RBFOX1: variants seen among roughly 807,000 people sequenced by gnomAD.
The protein encoded by RBFOX1 is RNA binding protein fox-1 homolog 1.
RBFOX1 carries 8 observed loss-of-function variants against 57.7 expected under a neutral mutation model. The ratio of observed to expected loss-of-function variants is 0.14; its 90% confidence interval spans 0.08 to 0.25. The LOEUF is 0.25. Ranked by LOEUF, RBFOX1 falls within the 10% of genes least tolerant of loss-of-function variation. The pLI is 1.00. For missense variants in RBFOX1, 611 were observed against 548.5 expected (o/e 1.11, Z -1.14); for synonymous variants, 326 against 222.4 (o/e 1.47, Z -4.15).
chr16:7,696,756 G>A (rs915733757), intron 14 of RBFOX1, among the ~76,000 whole-genome samples: 6 of 152,178 alleles, frequency 3.9e-5, no homozygotes, highest in African/African-American at 1.4e-4. Context: ...AAGCAGGGGA[G>A]GGGATGGAAA....
In RBFOX1 at chr16:5,502,261, G is replaced by A. The variant is rs144369721; in HGVS notation, c.258+35007G>A. ...GGAAATCTTTAGGAAGAACGGCAGG[G>A]ATGCCTTTCACCCCATGAAATGGAG... is the stretch of plus-strand genomic sequence containing the variant. On this transcript the variant is annotated intron_variant, in intron 2 of 2. Transcript: ENST00000585867. Among the ~76,000 whole-genome samples the A allele has an allele frequency of 8.9e-3, 1,359 of 152,256 alleles. 17 individuals carry two copies. The highest frequency in any genetic ancestry group is 0.048 in the Middle Eastern group (14 of 294).
At chr16:6,960,097 A>T (rs2082646994) in intron 3 of RBFOX1, among the ~76,000 whole-genome samples, 1 of 152,118 alleles carries the variant, frequency 6.6e-6, no homozygotes, top group African/African-American at 2.4e-5. Flanking sequence ...AGGATTAAAC[A>T]AGTGTATTGG....
At chr16:5,591,204 A>G (rs564139464) in intron 2 of RBFOX1, among the ~76,000 whole-genome samples, 3 of 152,262 alleles carry the variant, frequency 2.0e-5, no homozygotes, top group African/African-American at 7.2e-5. Context: ...TCAGAAATAT[A>G]AAATGAGTTT....
intron 1 of RBFOX1, among the ~76,000 whole-genome samples, chr16:5,286,477 C>G (rs1032501828): frequency 2.6e-5 from 4 of 152,164 alleles, no homozygotes; most frequent in Admixed American, 6.5e-5. Flanking sequence ...ATGGTACATT[C>G]AGGCACCAGC....
intron 2 of RBFOX1, among the ~76,000 whole-genome samples, chr16:6,443,153 G>T (rs1160382159): frequency 2.0e-5 from 3 of 152,142 alleles, no homozygotes; most frequent in Non-Finnish European, 4.4e-5. Flanking sequence ...GCCTGGGTGA[G>T]CTATTGTATC....
At chr16:5,409,226 A>G (rs2066946935) in intron 1 of RBFOX1, among the ~76,000 whole-genome samples, 2 of 152,170 alleles carry the variant, frequency 1.3e-5, no homozygotes, top group East Asian at 1.9e-4. Context: ...TCAGAAGGCG[A>G]TGGCTTGGCC....
At chr16:5,756,941 C>G (rs2053419324) in intron 3 of RBFOX1, among the ~76,000 whole-genome samples, 1 of 152,310 alleles carries the variant, frequency 6.6e-6, no homozygotes, top group South Asian at 2.1e-4. Flanking sequence ...AAGCCCTTAA[C>G]TGTATTATCT....
At chr16:5,555,129 GC>G (rs978931647) in intron 2 of RBFOX1, among the ~76,000 whole-genome samples, 2 of 152,198 alleles carry the variant, frequency 1.3e-5, no homozygotes, top group African/African-American at 2.4e-5. Flanking sequence ...CAGGGCAAGA[GC>G]CCCCCTTGCC....
chr16:6,564,823 C>A (rs894245048), intron 2 of RBFOX1, among the ~76,000 whole-genome samples: 1 of 152,022 alleles, frequency 6.6e-6, no homozygotes, highest in African/African-American at 2.4e-5. Context: ...TCTGTTCAGT[C>A]CTTATTTAAA....
In RBFOX1 at chr16:7,280,945, T is replaced by TTCCTTCCC. The variant is rs1568014707; in HGVS notation, c.27+228850_27+228851insTTCCCTCC. ...GGCCTCTTGAATCAATTGCATGTGATTCCCTACCTACCTCCCTCCCTCCCT... is the reference window on the plus strand; with the variant it reads ...GGCCTCTTGAATCAATTGCATGTGATTCCTTCCCTCCCTACCTACCTCCCTCCCTCCCT... On this transcript the variant is annotated intron_variant, in intron 4 of 15. Transcript: ENST00000550418. Among the ~76,000 whole-genome samples, 207 of 130,286 alleles carry TTCCTTCCC rather than the reference T, an allele frequency of 1.6e-3. 9 individuals carry two copies. The highest frequency in any genetic ancestry group is 2.3e-3 in the Admixed American group (30 of 12,888). 85.5% of individuals were successfully genotyped at this position (130,286 alleles called of 152,430 possible).
intron 3 of RBFOX1, chr16:5,616,296 C>T (rs1282970995): frequency 6.6e-6 from 1 of 152,378 alleles, no homozygotes; most frequent in African/African-American, 2.4e-5. Context: ...CACACGCCAC[C>T]TGGTGGCCGC....
intron 2 of RBFOX1, among the ~76,000 whole-genome samples, chr16:6,458,068 T>C (rs889262701): frequency 6.6e-6 from 1 of 152,034 alleles, no homozygotes; most frequent in African/African-American, 2.4e-5. Context: ...TAAATGAAGA[T>C]ATTGAAGCTG....
chr16:5,960,062 A>T (rs747887664), intron 4 of RBFOX1, among the ~76,000 whole-genome samples: 3 of 152,132 alleles, frequency 2.0e-5, no homozygotes, highest in Admixed American at 6.5e-5. Context: ...TTAGCCGGGC[A>T]TGGTGACATG....
intron 1 of RBFOX1, among the ~76,000 whole-genome samples, chr16:5,419,293 A>G (rs564761287): frequency 3.9e-5 from 6 of 152,174 alleles, no homozygotes; most frequent in Non-Finnish European, 8.8e-5. Flanking sequence ...GGAGCAAGGA[A>G]GCCAGTCTGA....
At chr16:6,102,773 C>G (rs4786817) in intron 1 of RBFOX1, among the ~76,000 whole-genome samples, 1 of 152,010 alleles carries the variant, frequency 6.6e-6, no homozygotes, top group Non-Finnish European at 1.5e-5. Context: ...AACTGTGTCT[C>G]GTGATTTTCA....
At chr16:7,507,255 C>T (rs186509781) in intron 4 of RBFOX1, among the ~76,000 whole-genome samples, 9 of 152,298 alleles carry the variant, frequency 5.9e-5, no homozygotes, top group African/African-American at 1.9e-4. Context: ...AGATTTTACA[C>T]TCTGAACCCA....
At chr16:7,450,178 A>T (rs769632646) in intron 4 of RBFOX1, among the ~76,000 whole-genome samples, 2 of 152,048 alleles carry the variant, frequency 1.3e-5, no homozygotes, top group Non-Finnish European at 2.9e-5. Context: ...GGTGGATCAC[A>T]AGGTCAGGGG....
chr16:6,689,908 T>G (rs940550411), intron 3 of RBFOX1, among the ~76,000 whole-genome samples: 4 of 152,190 alleles, frequency 2.6e-5, no homozygotes, highest in Non-Finnish European at 4.4e-5. Flanking sequence ...TGTGTGCTTG[T>G]GTTTGTCAAT....
At position 6,019,866 on chromosome 16, in the gene RBFOX1, G is replaced by A. The variant is rs1456958584; in HGVS notation, c.-253G>A. 8 of 1,534,152 alleles carry A rather than the reference G, an allele frequency of 5.2e-6. No individual in the cohort carries two copies. Among genetic ancestry groups the A allele is most frequent in the Non-Finnish European group, 7.0e-6 (8 of 1,146,158 alleles). ...CCGCGAAGTTGCGGACAGTGCGTGA[G>A]AAACCAGCACCCCCTTCCGCCGCCT... On this transcript the variant is annotated 5_prime_UTR_variant, in exon 1 of 16. Coordinates refer to ENST00000550418, the MANE Select transcript of RBFOX1 (RefSeq NM_018723.4). The surrounding 1 kb of genome is among the most constrained non-coding windows in gnomAD (Gnocchi z 4.2).
Sources: gnomAD v4.1 joint callset for allele counts (sites outside exome capture counted in the v4.1 genomes callset) on GRCh38, gnomAD v4.1.1 for gene constraint, Gnocchi (gnomAD v3.1) non-coding constraint, MANE v1.5 for transcripts, NCBI Gene and HGNC (gene_info 2026-07-23, HGNC 2026-07-21) for gene names.